CATSPER2: variants seen among roughly 807,000 people sequenced by gnomAD.
CATSPER2 encodes the protein cation channel sperm associated 2.
A neutral mutation model predicts 68.8 loss-of-function variants in CATSPER2; 56 were observed. That is an observed-to-expected ratio of 0.81 (90% confidence interval 0.66 to 1.02). CATSPER2 has a LOEUF of 1.02. Ranked by LOEUF, CATSPER2 falls within the 50% of genes least tolerant of loss-of-function variation. The pLI, the probability that CATSPER2 is intolerant of heterozygous loss-of-function variation, is 0.00. For missense variants in CATSPER2, 582 were observed against 642.0 expected, an observed-to-expected ratio of 0.91 and a Z score of 1.01; for synonymous variants, 198 against 229.9, an observed-to-expected ratio of 0.86 and a Z score of 1.26.
At chr15:43,641,122 G>T (rs1174323103) in intron 4 of CATSPER2, among the ~76,000 whole-genome samples, 3 of 144,072 alleles carry the variant, frequency 2.1e-5, no homozygotes, top group Non-Finnish European at 3.1e-5. Flanking sequence ...TTTGTTTTTT[G>T]TTTTTTTTTT....
chr15:43,643,817 C>T (rs1221212951), intron 4 of CATSPER2, among the ~76,000 whole-genome samples: 1 of 151,838 alleles, frequency 6.6e-6, no homozygotes, highest in African/African-American at 2.4e-5. Flanking sequence ...ATATGCCCAC[C>T]TTTGGGAAAA....
intron 4 of CATSPER2, among the ~76,000 whole-genome samples, chr15:43,646,492 C>G (rs997612003): frequency 2.0e-5 from 3 of 151,446 alleles, no homozygotes; most frequent in Admixed American, 6.6e-5. Flanking sequence ...AATTCCTGAC[C>G]TCAAGTGATT....
At chr15:43,638,286 C>CTTTCTTTTTTT (rs1354288133) in intron 7 of CATSPER2, among the ~76,000 whole-genome samples, 13 of 81,836 alleles carry the variant, frequency 1.6e-4, no homozygotes, top group African/African-American at 3.8e-4. Context: ...TTCTTTCTTT[C>CTTTCTTTTTTT]TTTTTTTTTT....
Position 43,648,723 on chromosome 15 carries a change from G to A in CATSPER2, c.-97C>T, listed in dbSNP as rs2086220641. 1.3e-6 allele frequency: 2 copies of A among 1,506,358 alleles called. No individual in the cohort carries two copies. The highest frequency in any genetic ancestry group is 2.3e-4 in the Middle Eastern group (1 of 4,304). 93.3% of individuals were successfully genotyped at this position (1,506,358 alleles called of 1,614,324 possible). A position where few individuals can be genotyped will look rare whatever the true frequency, so the allele number is the denominator to read the frequency against. ...GCCTGGCTACCCCTATGCAAGACGAGCTCAGGGCCGGCTCCCAGCCTCACT... is the reference window on the plus strand; with the variant it reads ...GCCTGGCTACCCCTATGCAAGACGAACTCAGGGCCGGCTCCCAGCCTCACT... On this transcript the variant is annotated 5_prime_UTR_variant, in exon 1 of 13. Transcript: ENST00000396879.
In CATSPER2 at chr15:43,635,780, C is replaced by T. The variant is rs759288619; in HGVS notation, c.1068G>A (p.Ala356=). The change falls in exon 9 of 13, where the codon GCG becomes GCA. Residue 356 remains alanine, a synonymous_variant. Transcript: ENST00000396879. ...NIRKELNEEM[A]RREVQLKADM... ...CAGCTTTGAGCTGAACCTCCCGACG[C>T]GCCATCTCCTCATTCAGCTCTTTCC... The T allele has an allele frequency of 2.4e-5, 39 of 1,613,456 alleles. No homozygotes were observed. The highest frequency in any genetic ancestry group is 4.5e-5 in the East Asian group (2 of 44,880).
intron 4 of CATSPER2, among the ~76,000 whole-genome samples, chr15:43,642,211 T>A (rs1324789849): frequency 1.3e-5 from 2 of 151,596 alleles, no homozygotes; most frequent in Non-Finnish European, 2.9e-5. Flanking sequence ...GCGATTCTCC[T>A]GCCTCAGCCT....
chr15:43,636,398 GTTGTTT>G (rs1218641122), intron 7 of CATSPER2, among the ~76,000 whole-genome samples, 179 bp from the exon 8 acceptor site: 2 of 151,372 alleles, frequency 1.3e-5, no homozygotes, highest in African/African-American at 2.4e-5. Context: ...TTTTTTTGTT[GTTGTTT>G]TTATTAGATG....
rs987794768 is a variant in CATSPER2 at position 43,638,824 on chromosome 15, T to C, written c.842+80A>G. 13 of 1,541,312 alleles carry C rather than the reference T, an allele frequency of 8.4e-6. No individual in the cohort carries two copies. The African/African-American group carries it at 1.5e-4, about 18-fold the overall frequency. Reference sequence around the variant, plus strand: ...TTCTTGGAATAGACTGCACTTTTTATATTACTATACTTTGGACAAGCTTCC... The same window carrying C: ...TTCTTGGAATAGACTGCACTTTTTACATTACTATACTTTGGACAAGCTTCC... On this transcript the variant is annotated intron_variant, in intron 7 of 12. Transcript: ENST00000396879.
intron 4 of CATSPER2, among the ~76,000 whole-genome samples, chr15:43,641,397 G>C (rs1437878428): frequency 2.0e-5 from 3 of 151,684 alleles, no homozygotes; most frequent in African/African-American, 7.3e-5. Flanking sequence ...ATAGGCGTGA[G>C]CCACCACACC....
rs140907870 is a variant in CATSPER2 at position 43,638,963 on chromosome 15, G to A, written c.783C>T (p.Tyr261=). 9.5e-5 allele frequency: 154 copies of A among 1,613,096 alleles called. 1 individual carries two copies. The highest frequency in any genetic ancestry group is 1.7e-4 in the Middle Eastern group (1 of 6,054). Residue 261 remains tyrosine (Y), a synonymous_variant, in exon 7 of 13, where the codon TAC becomes TAT. Coordinates refer to ENST00000396879, the MANE Select transcript of CATSPER2 (RefSeq NM_172095.4). The stretch of plus-strand genomic sequence containing the variant: ...GTGAACGGGTGTACTCTGAGAAGAC[G>A]TAGACACCAGTCACAGCAAAAATGT... ...FFYIFAVTGV[Y]VFSEYTRSPR...
At chr15:43,647,516 A>T (rs1193993085) in intron 2 of CATSPER2, 49 bp from the exon 3 acceptor site, 1 of 1,570,170 alleles carries the variant, frequency 6.4e-7, no homozygotes, top group Non-Finnish European at 8.8e-7. Context: ...AACAAAATAG[A>T]CCAGGTAGGG....
At chr15:43,640,213 GAAGTT>G (rs2086048230) in intron 5 of CATSPER2, 106 bp downstream of exon 5, 1 of 1,581,414 alleles carries the variant, frequency 6.3e-7, no homozygotes, top group African/African-American at 1.4e-5. Flanking sequence ...TCAAAAGAAA[GAAGTT>G]AAGTAAATTT....
In CATSPER2 at chr15:43,648,737, C is replaced by G. The variant is rs1285815444; in HGVS notation, c.-111G>C. The stretch of plus-strand genomic sequence containing the variant: ...ATGCAAGACGAGCTCAGGGCCGGCT[C>G]CCAGCCTCACTGCGCCCCATTCCCC... On this transcript the variant is annotated 5_prime_UTR_variant, in exon 1 of 13. Coordinates refer to ENST00000396879, the MANE Select transcript of CATSPER2 (RefSeq NM_172095.4). The G allele has an allele frequency of 6.6e-7, 1 of 1,521,470 alleles. No homozygotes were observed. Among genetic ancestry groups the G allele is most frequent in the Non-Finnish European group, 8.8e-7 (1 of 1,139,124 alleles). 94.2% of individuals were successfully genotyped at this position (1,521,470 alleles called of 1,614,324 possible).
intron 4 of CATSPER2, among the ~76,000 whole-genome samples, chr15:43,643,207 C>T (rs1385855541): frequency 6.6e-6 from 1 of 151,776 alleles, no homozygotes; most frequent in Non-Finnish European, 1.5e-5. Context: ...TCAAGGAGTC[C>T]AATATTATAG....
chr15:43,643,236 T>C (rs1292654672), intron 4 of CATSPER2, among the ~76,000 whole-genome samples: 7 of 152,016 alleles, frequency 4.6e-5, no homozygotes, highest in Non-Finnish European at 5.9e-5. Flanking sequence ...AATAGTACAC[T>C]GCAACAAACT....
At chr15:43,646,718 C>CTTTTTT (rs56230106) in intron 4 of CATSPER2, among the ~76,000 whole-genome samples, 1 of 138,644 alleles carries the variant, frequency 7.2e-6, no homozygotes, top group Non-Finnish European at 1.6e-5. Context: ...TTTTCTTTTT[C>CTTTTTT]TTTTTTTTTT....
rs770341410 is a variant in CATSPER2 at position 43,647,248 on chromosome 15, C to G, written c.319+46G>C. On this transcript the variant is annotated intron_variant, in intron 3 of 12. Transcript: ENST00000396879. ...GGGGAGCAAAAAATAAGTCATTAGG[C>G]AGATGATCAACAGCCAGGATAAAAA... The G allele has an allele frequency of 7.0e-6, 11 of 1,581,704 alleles. No individual in the cohort carries two copies. In the South Asian group the frequency reaches 1.2e-4, roughly 18 times the overall value.
Position 43,648,690 on chromosome 15 carries a change from T to C in CATSPER2, c.-64A>G, listed in dbSNP as rs2086219859. 4.1e-6 allele frequency: 6 copies of C among 1,448,056 alleles called. No homozygotes were observed. Among genetic ancestry groups the C allele is most frequent in the Non-Finnish European group, 3.6e-6 (4 of 1,103,894 alleles). The allele number at this position is 1,448,056 out of a possible 1,614,324, so 89.7% of individuals were successfully genotyped here. A position where few individuals can be genotyped will look rare whatever the true frequency, so the allele number is the denominator to read the frequency against. ...TTCACGCTTCCGCCTCCAGCTCAGG[T>C]GCCCCGAGCCTGGCTACCCCTATGC... On this transcript the variant is annotated 5_prime_UTR_variant, in exon 1 of 13. Coordinates refer to ENST00000396879, the MANE Select transcript of CATSPER2 (RefSeq NM_172095.4).
rs2085978189 is a variant in CATSPER2 at position 43,637,083 on chromosome 15, A to G, written c.843-864T>C. On this transcript the variant is annotated intron_variant, in intron 7 of 12. Coordinates refer to ENST00000396879, the MANE Select transcript of CATSPER2 (RefSeq NM_172095.4). ...AGTGATCTGCCTGCCTCAGCCTCCT[A>G]AAGTGCTGGGATTACAGGTGTGAGC... Among the ~76,000 whole-genome samples, 3 of 151,900 alleles carry G rather than the reference A, an allele frequency of 2.0e-5. No homozygotes were observed. In the South Asian group the frequency reaches 6.2e-4, roughly 32 times the overall value.
Sources: allele counts gnomAD v4.1 joint callset (sites outside exome capture counted in the v4.1 genomes callset), GRCh38; gene constraint gnomAD v4.1.1; transcripts MANE v1.5; gene names NCBI Gene and HGNC (gene_info 2026-07-23, HGNC 2026-07-21).